The following WASF1 variants were observed in gnomAD, a reference collection of about 807,000 sequenced individuals.
WASF1 encodes actin-binding protein WASF1.
WASF1 carries 7 observed loss-of-function variants against 50.5 expected under a neutral mutation model. The ratio of observed to expected loss-of-function variants is 0.14; its 90% CI spans 0.08 to 0.26. The LOEUF (loss-of-function observed/expected upper bound fraction) is 0.26. Ranked by LOEUF, WASF1 falls within the 10% of genes least tolerant of loss-of-function variation. The pLI, the probability that WASF1 is intolerant of heterozygous loss-of-function variation, is 1.00. For synonymous variants in WASF1, 205 were observed against 244.0 expected, an observed-to-expected ratio of 0.84 and a Z score of 1.49; for missense variants, 470 against 694.7, an observed-to-expected ratio of 0.68 and a Z score of 3.64.
intron 2 of WASF1, among the ~76,000 whole-genome samples, chr6:110,171,864 T>G (rs949949649): frequency 6.6e-6 from 1 of 151,996 alleles, no homozygotes; most frequent in Non-Finnish European, 1.5e-5. Context: ...CATCAAAAAG[T>G]GGCCAAAGGA....
At position 110,113,329 on chromosome 6, in the gene WASF1, C is replaced by A; in HGVS notation, c.265G>T (p.Glu89Ter). ...SVTQLDPKEE[E>*]LSLQDITMRK... ...AATACAATATTAATAAGCTTACATT[C>A]TTCTTCCTTTGGATCAAGCTGTGTA... is the stretch of plus-strand genomic sequence containing the variant. The change falls in exon 5 of 11, where the codon GAA becomes TAA. Residue 89 changes from glutamate to a stop codon, truncating the protein, a stop_gained. Transcript: ENST00000392589. LOFTEE classifies it high-confidence loss of function. 1 of 1,556,316 alleles carries A rather than the reference C, an allele frequency of 6.4e-7. No homozygotes were observed. The highest frequency in any genetic ancestry group is 8.7e-7 in the Non-Finnish European group (1 of 1,155,516).
intron 3 of WASF1, among the ~76,000 whole-genome samples, chr6:110,148,625 AG>A (rs889272235): frequency 6.6e-6 from 1 of 152,132 alleles, no homozygotes; most frequent in African/African-American, 2.4e-5. Flanking sequence ...AGGACCTTGA[AG>A]GTCATATTGA....
At chr6:110,133,554 GTTTT>G (rs535249576) in intron 3 of WASF1, among the ~76,000 whole-genome samples, 2 of 152,006 alleles carry the variant, frequency 1.3e-5, no homozygotes, top group African/African-American at 4.8e-5. Context: ...AGCAGCTATT[GTTTT>G]TTGATTTTTT....
At chr6:110,159,763 T>C (rs1424234940) in intron 3 of WASF1, among the ~76,000 whole-genome samples, 1 of 151,918 alleles carries the variant, frequency 6.6e-6, no homozygotes, top group Non-Finnish European at 1.5e-5. Context: ...ATATACCTTA[T>C]ACACATGGCT....
intron 3 of WASF1, among the ~76,000 whole-genome samples, chr6:110,154,923 ACTT>A (rs1344276917): frequency 6.6e-6 from 1 of 152,058 alleles, no homozygotes; most frequent in Non-Finnish European, 1.5e-5. Flanking sequence ...ACATGTAAAA[ACTT>A]CTGCTAAGAA....
intron 7 of WASF1, 103 bp from the exon 8 acceptor site, chr6:110,105,682 C>A: frequency 2.8e-6 from 3 of 1,071,990 alleles, no homozygotes; most frequent in Non-Finnish European, 2.7e-6. Context: ...CTGAAAAAGA[C>A]AATGTCATCA....
At chr6:110,147,739 G>C (rs1035153127) in intron 3 of WASF1, among the ~76,000 whole-genome samples, 1 of 152,020 alleles carries the variant, frequency 6.6e-6, no homozygotes, top group African/African-American at 2.4e-5. Context: ...ACTGCACCAA[G>C]GTTATTACTG....
chr6:110,110,208 T>C (rs1157874149), intron 5 of WASF1, among the ~76,000 whole-genome samples: 1 of 152,192 alleles, frequency 6.6e-6, no homozygotes, highest in Non-Finnish European at 1.5e-5. Flanking sequence ...TATTACTCCA[T>C]TGTGAAATAT....
At chr6:110,179,271 G>A (rs559111023) in intron 1 of WASF1, among the ~76,000 whole-genome samples, 168 bp downstream of exon 1, 9 of 152,166 alleles carry the variant, frequency 5.9e-5, no homozygotes, top group African/African-American at 2.2e-4. Context: ...GTGGGCGCTC[G>A]GAAAACCCGC....
chr6:110,176,620 T>C (rs1045730212), intron 2 of WASF1, among the ~76,000 whole-genome samples: 5 of 152,110 alleles, frequency 3.3e-5, no homozygotes, highest in African/African-American at 1.2e-4. Flanking sequence ...GGATATTCTT[T>C]ACCCATTCAT....
chr6:110,134,421 CCTTT>C (rs1018754881), intron 3 of WASF1, among the ~76,000 whole-genome samples: 3 of 145,782 alleles, frequency 2.1e-5, no homozygotes, highest in Non-Finnish European at 4.5e-5. Flanking sequence ...TTCTATGTGC[CCTTT>C]TTTTTTTTCT....
intron 3 of WASF1, among the ~76,000 whole-genome samples, chr6:110,138,936 T>G (rs1775091736): frequency 6.6e-6 from 1 of 152,230 alleles, no homozygotes; most frequent in Admixed American, 6.5e-5. Flanking sequence ...CTCAGGAGCC[T>G]GTCTGCCTCC....
In WASF1 at chr6:110,120,763, A is replaced by G. The variant is rs571515207; in HGVS notation, c.133+6706T>C. ...AAGCCAAAAGAACAAAGCTGGAGGCATCACGCTACATGACTTCAAACTACA... is the reference window on the plus strand; with the variant it reads ...AAGCCAAAAGAACAAAGCTGGAGGCGTCACGCTACATGACTTCAAACTACA... On this transcript the variant is annotated intron_variant, in intron 4 of 10. Coordinates refer to ENST00000392589, the MANE Select transcript of WASF1 (RefSeq NM_003931.3). 2.5e-4 allele frequency among the ~76,000 whole-genome samples: 38 copies of G among 152,370 alleles called. No homozygotes were observed. The East Asian group carries it at 6.2e-3, about 25-fold the overall frequency.
chr6:110,124,236 CT>C (rs1397991209), intron 4 of WASF1, among the ~76,000 whole-genome samples: 148 of 6,166 alleles, frequency 0.024, 3 homozygotes, highest in African/African-American at 0.042. Context: ...CCTCTCTCTC[CT>C]CTCTCTCTCT....
chr6:110,134,618 G>T (rs998243538), intron 3 of WASF1, among the ~76,000 whole-genome samples: 1 of 151,864 alleles, frequency 6.6e-6, no homozygotes, highest in African/African-American at 2.4e-5. Flanking sequence ...TAGAGACAGG[G>T]TTTCACTATG....
chr6:110,108,739 G>C lies in WASF1; in HGVS notation c.269-58C>G, dbSNP rs1773433181. 1.9e-5 allele frequency: 28 copies of C among 1,506,652 alleles called. No individual in the cohort carries two copies. The South Asian group carries it at 2.9e-4, about 16-fold the overall frequency. The allele number at this position is 1,506,652 out of a possible 1,614,324, so 93.3% of individuals were successfully genotyped here. On this transcript the variant is annotated intron_variant, in intron 5 of 10. Transcript: ENST00000392589. Reference sequence around the variant, plus strand: ...ATTTTACTAAGATGATTTAACATAAGGGCAAATTCACATACTTTATTTGTC... The same window carrying C: ...ATTTTACTAAGATGATTTAACATAACGGCAAATTCACATACTTTATTTGTC...
intron 3 of WASF1, among the ~76,000 whole-genome samples, chr6:110,159,057 A>G (rs1206104007): frequency 6.6e-6 from 1 of 151,934 alleles, no homozygotes; most frequent in Non-Finnish European, 1.5e-5. Flanking sequence ...CAGTCATACC[A>G]TAAGCTCCCT....
Position 110,144,173 on chromosome 6 carries a change from T to G in WASF1, c.-29+16462A>C, listed in dbSNP as rs191034504. ...TGCCATTCTAACTGGTGTGAGATGG[T>G]ATCTCACTGTGGTTTTGATTTGCAT... On this transcript the variant is annotated intron_variant, in intron 3 of 10. Transcript: ENST00000392589. Among the ~76,000 whole-genome samples, 73 of 152,372 alleles carry G rather than the reference T, an allele frequency of 4.8e-4. 1 individual carries two copies. The highest frequency in any genetic ancestry group is 3.7e-3 in the Admixed American group (56 of 15,304).
chr6:110,153,428 A>C (rs2114585820), intron 3 of WASF1, among the ~76,000 whole-genome samples: 1 of 152,294 alleles, frequency 6.6e-6, no homozygotes, highest in Middle Eastern at 3.4e-3. Context: ...TCCAAAAAGA[A>C]AGTTTAAGAC....
Sources: allele counts gnomAD v4.1 joint callset (sites outside exome capture counted in the v4.1 genomes callset), GRCh38; gene constraint gnomAD v4.1.1; transcripts MANE v1.5; gene names NCBI Gene and HGNC (gene_info 2026-07-23, HGNC 2026-07-21).